Variants in SPTBN1 observed in about 807,000 individuals in gnomAD.
The protein encoded by SPTBN1 is spectrin beta chain, non-erythrocytic 1.
A neutral mutation model predicts 266.4 loss-of-function variants in SPTBN1; 32 were observed. The observed-to-expected ratio is 0.12, with a 90% CI of 0.09 to 0.16. SPTBN1 has a LOEUF of 0.16. SPTBN1 is among the 10% of genes least tolerant of loss of function. SPTBN1 has a pLI of 1.00. For missense variants in SPTBN1, 2,296 were observed against 3,067.1 expected (o/e 0.75, Z 5.94); for synonymous variants, 1,336 against 1,162.2 (o/e 1.15, Z -3.04).
chr2:54,567,564 T>G (rs1323185868), intron 2 of SPTBN1, among the ~76,000 whole-genome samples: 1 of 152,064 alleles, frequency 6.6e-6, no homozygotes, highest in East Asian at 1.9e-4. Flanking sequence ...TTAATTTAAT[T>G]TTATTATTTT....
chr2:54,538,015 G>A (rs1367295), intron 2 of SPTBN1, among the ~76,000 whole-genome samples: 120,924 of 152,170 alleles, frequency 0.79, 48,541 homozygotes, highest in African/African-American at 0.91. Context: ...GAAGATGACA[G>A]TAAGTAACAA....
At chr2:54,658,964 T>A (rs1470337559) in intron 30 of SPTBN1, among the ~76,000 whole-genome samples, 190 bp from the exon 31 acceptor site, 2 of 152,222 alleles carry the variant, frequency 1.3e-5, no homozygotes, top group African/African-American at 2.4e-5. Flanking sequence ...ATAGACTATT[T>A]CCTGTAGTTT....
intron 2 of SPTBN1, among the ~76,000 whole-genome samples, chr2:54,534,513 G>A (rs149681524): frequency 3.0e-3 from 450 of 152,288 alleles, no homozygotes; most frequent in Middle Eastern, 0.014. Context: ...GTCTTTGCAC[G>A]TAGTCCTAGA....
chr2:54,593,823 CTTTTTTTTT>C (rs374877354), intron 2 of SPTBN1, among the ~76,000 whole-genome samples: 18 of 64,794 alleles, frequency 2.8e-4, no homozygotes, highest in South Asian at 7.9e-4. Context: ...CATGGAAACA[CTTTTTTTTT>C]TTTTTTTTTT....
intron 1 of SPTBN1, among the ~76,000 whole-genome samples, chr2:54,488,828 C>A (rs1437062613): frequency 6.6e-6 from 1 of 152,116 alleles, no homozygotes; most frequent in South Asian, 2.1e-4. Flanking sequence ...ATTAATCTTA[C>A]AAAGGCTCGC....
intron 1 of SPTBN1, among the ~76,000 whole-genome samples, chr2:54,475,554 G>C (rs756686758): frequency 2.0e-5 from 3 of 152,150 alleles, no homozygotes; most frequent in Non-Finnish European, 4.4e-5. Context: ...CAGAGTCCTT[G>C]AGTGAGAATG....
At chr2:54,520,875 G>T (rs1293707195) in intron 1 of SPTBN1, among the ~76,000 whole-genome samples, 1 of 152,116 alleles carries the variant, frequency 6.6e-6, no homozygotes, top group Non-Finnish European at 1.5e-5. Flanking sequence ...AGGGATGAGG[G>T]CCTTTCTCTT....
chr2:54,471,026 G>A (rs528205487), intron 1 of SPTBN1, among the ~76,000 whole-genome samples: 22 of 152,256 alleles, frequency 1.4e-4, no homozygotes, highest in African/African-American at 4.8e-4. Flanking sequence ...TCTTCTTCCA[G>A]TGTGGCCCAG....
chr2:54,522,678 G>GAGGA (rs370803474), intron 1 of SPTBN1, among the ~76,000 whole-genome samples: 2 of 78,642 alleles, frequency 2.5e-5, no homozygotes, highest in African/African-American at 9.2e-5. Flanking sequence ...GAGAGAGAGA[G>GAGGA]GAGAGAGAGA....
intron 2 of SPTBN1, among the ~76,000 whole-genome samples, chr2:54,543,792 A>C (rs574328998): frequency 2.0e-4 from 31 of 151,906 alleles, no homozygotes; most frequent in Middle Eastern, 3.4e-3. Context: ...CTCCCACCCC[A>C]AAAAAAATGA....
intron 1 of SPTBN1, among the ~76,000 whole-genome samples, chr2:54,508,584 C>G (rs191423227): frequency 6.6e-6 from 1 of 152,024 alleles, no homozygotes; most frequent in Admixed American, 6.6e-5. Flanking sequence ...TATGAAATGA[C>G]GAATAGAATG....
chr2:54,522,063 A>AT (rs1025559864), intron 1 of SPTBN1, among the ~76,000 whole-genome samples: 6,101 of 142,820 alleles, frequency 0.043, 155 homozygotes, highest in Admixed American at 0.092. Context: ...ACAGCTGGCT[A>AT]TTTTTTTTTT....
intron 2 of SPTBN1, among the ~76,000 whole-genome samples, chr2:54,563,707 G>T (rs1673483115): frequency 7.2e-6 from 1 of 138,756 alleles, no homozygotes; most frequent in South Asian, 2.4e-4. Context: ...GGGTTCAAGC[G>T]ATTCTCCTGC....
chr2:54,513,029 A>C (rs1023896697), intron 1 of SPTBN1, among the ~76,000 whole-genome samples: 1 of 152,136 alleles, frequency 6.6e-6, no homozygotes, highest in Non-Finnish European at 1.5e-5. Context: ...CTGGCTCTAC[A>C]GAAGATACAA....
At chr2:54,468,886 A>G (rs759701393) in intron 1 of SPTBN1, among the ~76,000 whole-genome samples, 5 of 152,202 alleles carry the variant, frequency 3.3e-5, no homozygotes, top group Admixed American at 2.0e-4. Context: ...TGAAATACCT[A>G]TCCCATAATG....
rs1220218732 is a variant in SPTBN1 at position 54,653,874 on chromosome 2, G to A, written c.5822+21G>A. ...CCAAGGTAACGCTTTCAGCCCAAAG[G>A]AAATTGGACTTATTGGCGCTTGGTT... is the stretch of plus-strand genomic sequence containing the variant. On this transcript the variant is annotated intron_variant, in intron 27 of 35. Coordinates refer to ENST00000356805, the MANE Select transcript of SPTBN1 (RefSeq NM_003128.3). This position sits in a 1 kb window ranked among gnomAD's most constrained non-coding sequence, Gnocchi z 5.1. The A allele has an allele frequency of 1.3e-6, 2 of 1,596,758 alleles. No homozygotes were observed. Among genetic ancestry groups the A allele is most frequent in the Admixed American group, 3.8e-5 (2 of 53,152 alleles).
chr2:54,607,169 G>A (rs1306765956), intron 3 of SPTBN1, among the ~76,000 whole-genome samples: 1 of 152,192 alleles, frequency 6.6e-6, no homozygotes, highest in Non-Finnish European at 1.5e-5. Flanking sequence ...TTCTGCATCT[G>A]CAGATTTAAC....
intron 26 of SPTBN1, among the ~76,000 whole-genome samples, chr2:54,651,970 A>G (rs1446867749): frequency 6.6e-6 from 1 of 152,094 alleles, no homozygotes; most frequent in Admixed American, 6.6e-5. Flanking sequence ...GGGGTCAGTA[A>G]TCCACCTCCC....
chr2:54,502,780 C>G (rs1312295631), intron 1 of SPTBN1, among the ~76,000 whole-genome samples: 1 of 152,106 alleles, frequency 6.6e-6, no homozygotes, highest in Non-Finnish European at 1.5e-5. Context: ...GCCTGTTGAG[C>G]AGGAACCTTC....
Sources: gnomAD v4.1 joint callset for allele counts (sites outside exome capture counted in the v4.1 genomes callset) on GRCh38, gnomAD v4.1.1 for gene constraint, Gnocchi (gnomAD v3.1) non-coding constraint, MANE v1.5 for transcripts, NCBI Gene and HGNC (gene_info 2026-07-23, HGNC 2026-07-21) for gene names.